SPIDR: variants seen among roughly 807,000 people sequenced by gnomAD.
SPIDR encodes DNA repair-scaffolding protein.
A neutral mutation model predicts 104.6 loss-of-function variants in SPIDR; 93 were observed. The ratio of observed to expected loss-of-function variants is 0.89; its 90% CI spans 0.75 to 1.06. The LOEUF (loss-of-function observed/expected upper bound fraction) is 1.06. Ranked by LOEUF, SPIDR falls within the 50% of genes least tolerant of loss-of-function variation. The pLI is 0.00. For synonymous variants in SPIDR, 431 were observed against 416.9 expected, an observed-to-expected ratio of 1.03 and a Z score of -0.41; for missense variants, 1,154 against 1,111.2, an observed-to-expected ratio of 1.04 and a Z score of -0.55.
At chr8:47,297,762 C>G (rs914287836) in intron 5 of SPIDR, among the ~76,000 whole-genome samples, 1 of 152,142 alleles carries the variant, frequency 6.6e-6, no homozygotes, top group Non-Finnish European at 1.5e-5. Context: ...CCAGCTTCAT[C>G]CATGTCCCTA....
At chr8:47,467,946 A>G (rs1402235936) in intron 8 of SPIDR, among the ~76,000 whole-genome samples, 1 of 152,186 alleles carries the variant, frequency 6.6e-6, no homozygotes, top group Non-Finnish European at 1.5e-5. Flanking sequence ...ATGATCCTCT[A>G]TCTAGAAAAC....
intron 8 of SPIDR, among the ~76,000 whole-genome samples, chr8:47,571,225 C>T (rs1380145097): frequency 6.6e-6 from 1 of 152,150 alleles, no homozygotes; most frequent in East Asian, 1.9e-4. Context: ...GGAGACCTAA[C>T]GGACAGCATG....
At position 47,399,890 on chromosome 8, in the gene SPIDR, G is replaced by C. The variant is rs186931400; in HGVS notation, c.776+3264G>C. Among the ~76,000 whole-genome samples the C allele has an allele frequency of 8.9e-4, 135 of 152,318 alleles. 2 individuals carry two copies. The highest frequency in any genetic ancestry group is 1.7e-3 in the Non-Finnish European group (115 of 68,026). The stretch of plus-strand genomic sequence containing the variant: ...AGAGTAACGCTACTAGAGGTGATGA[G>C]CTGGGGCAGTAACGATGACGGGCGC... On this transcript the variant is annotated intron_variant, in intron 6 of 19. Transcript: ENST00000297423.
intron 7 of SPIDR, among the ~76,000 whole-genome samples, chr8:47,417,774 T>C (rs2064625519): frequency 6.6e-6 from 1 of 152,222 alleles, no homozygotes; most frequent in African/African-American, 2.4e-5. Flanking sequence ...ATGTAAGTCT[T>C]TAATCCATCT....
chr8:47,652,266 T>C (rs550780013), intron 10 of SPIDR, among the ~76,000 whole-genome samples: 2 of 152,212 alleles, frequency 1.3e-5, no homozygotes, highest in African/African-American at 4.8e-5. Context: ...TGACATACGC[T>C]CCCAGCAGAG....
intron 8 of SPIDR, among the ~76,000 whole-genome samples, chr8:47,574,396 T>C (rs901829530): frequency 1.3e-5 from 2 of 152,210 alleles, no homozygotes; most frequent in Non-Finnish European, 2.9e-5. Flanking sequence ...TCTGTTCTTA[T>C]CTTGTGCCAT....
chr8:47,546,740 T>A (rs191845325), intron 8 of SPIDR: 1 of 169,308 alleles, frequency 5.9e-6, no homozygotes, highest in Admixed American at 6.1e-5. Context: ...TTTATTTTTA[T>A]TAATTATGCC....
chr8:47,600,449 T>C (rs1289869878), intron 10 of SPIDR, among the ~76,000 whole-genome samples: 3 of 152,212 alleles, frequency 2.0e-5, no homozygotes, highest in Non-Finnish European at 2.9e-5. Context: ...TTATGAATCA[T>C]CTTCAAGTGG....
intron 10 of SPIDR, among the ~76,000 whole-genome samples, chr8:47,662,438 A>C (rs770248226): frequency 3.3e-4 from 51 of 152,298 alleles, no homozygotes; most frequent in Non-Finnish European, 6.5e-4. Context: ...TAAACAAAAG[A>C]AAACATACTA....
chr8:47,516,278 T>A (rs1358981344), intron 8 of SPIDR, among the ~76,000 whole-genome samples: 1 of 152,186 alleles, frequency 6.6e-6, no homozygotes, highest in Non-Finnish European at 1.5e-5. Flanking sequence ...TGTGGTAAAA[T>A]ATGCATAACA....
At chr8:47,708,642 T>G (rs1034330236) in intron 14 of SPIDR, among the ~76,000 whole-genome samples, 3 of 152,178 alleles carry the variant, frequency 2.0e-5, no homozygotes, top group Non-Finnish European at 4.4e-5. Flanking sequence ...ATGGAGCAGT[T>G]TCAGTGACCT....
intron 16 of SPIDR, among the ~76,000 whole-genome samples, chr8:47,717,585 G>T (rs2082752519): frequency 6.6e-6 from 1 of 152,132 alleles, no homozygotes; most frequent in South Asian, 2.1e-4. Flanking sequence ...CTGCCTGTTG[G>T]TACACTGAGG....
chr8:47,722,193 C>T (rs1273043333), intron 16 of SPIDR, among the ~76,000 whole-genome samples: 1 of 152,116 alleles, frequency 6.6e-6, no homozygotes, highest in Non-Finnish European at 1.5e-5. Context: ...CATTGAGTTT[C>T]ATAGGAAAAC....
chr8:47,501,655 C>T (rs1404391305), intron 8 of SPIDR, among the ~76,000 whole-genome samples: 1 of 152,114 alleles, frequency 6.6e-6, no homozygotes, highest in Non-Finnish European at 1.5e-5. Flanking sequence ...TGCCTGATTG[C>T]CCTGGCCAGA....
intron 7 of SPIDR, among the ~76,000 whole-genome samples, chr8:47,435,078 C>T (rs1563964562): frequency 1.3e-5 from 2 of 152,058 alleles, no homozygotes; most frequent in Admixed American, 6.5e-5. Flanking sequence ...ACTATAACCT[C>T]AAATTCCTGG....
At chr8:47,268,094 C>A (rs1464867936) in intron 1 of SPIDR, among the ~76,000 whole-genome samples, 1 of 152,132 alleles carries the variant, frequency 6.6e-6, no homozygotes, top group Non-Finnish European at 1.5e-5. Context: ...AAAAATTGTT[C>A]TTTCTCCTTG....
chr8:47,351,215 G>C (rs1386876263), intron 5 of SPIDR, among the ~76,000 whole-genome samples: 3 of 152,180 alleles, frequency 2.0e-5, no homozygotes, highest in Non-Finnish European at 4.4e-5. Context: ...TATAAATTAA[G>C]CTTCATCATA....
At chr8:47,617,335 A>G (rs2064470798) in intron 10 of SPIDR, among the ~76,000 whole-genome samples, 1 of 152,226 alleles carries the variant, frequency 6.6e-6, no homozygotes, top group Admixed American at 6.5e-5. Flanking sequence ...AGCATTTGTG[A>G]CATAGACAAC....
chr8:47,443,151 A>G (rs1228078078), intron 8 of SPIDR, among the ~76,000 whole-genome samples: 2 of 152,166 alleles, frequency 1.3e-5, no homozygotes, highest in Non-Finnish European at 2.9e-5. Flanking sequence ...ATGAGTTATT[A>G]TCATTAGACT....
Sources: allele counts gnomAD v4.1 joint callset (sites outside exome capture counted in the v4.1 genomes callset), GRCh38; gene constraint gnomAD v4.1.1; transcripts MANE v1.5; gene names NCBI Gene and HGNC (gene_info 2026-07-23, HGNC 2026-07-21).